Variants in ROCK2 observed in about 807,000 individuals in gnomAD.
ROCK2 encodes the protein Rho associated coiled-coil containing protein kinase 2.
ROCK2 carries 61 observed loss-of-function variants against 195.1 expected under a neutral mutation model. That is an observed-to-expected ratio of 0.31 (90% confidence interval 0.25 to 0.39). The LOEUF is 0.39. Ranked by LOEUF, ROCK2 falls within the 10% of genes least tolerant of loss-of-function variation. The pLI is 1.00. For synonymous variants in ROCK2, 504 were observed against 545.5 expected (o/e 0.92, Z 1.06); for missense variants, 1,109 against 1,637.4 (o/e 0.68, Z 5.57).
chr2:11,202,519 A>G (rs1042392282), intron 20 of ROCK2, among the ~76,000 whole-genome samples: 18 of 151,464 alleles, frequency 1.2e-4, no homozygotes, highest in African/African-American at 4.4e-4. Context: ...TGTTTTTGAG[A>G]CGGAGTCTCA....
chr2:11,203,932 A>G (rs1252133333), intron 20 of ROCK2, among the ~76,000 whole-genome samples: 1 of 152,184 alleles, frequency 6.6e-6, no homozygotes, highest in Non-Finnish European at 1.5e-5. Context: ...GATATCTTTC[A>G]TTTATATGTA....
chr2:11,275,315 A>G (rs1165030043), intron 3 of ROCK2, among the ~76,000 whole-genome samples: 1 of 152,174 alleles, frequency 6.6e-6, no homozygotes, highest in African/African-American at 2.4e-5. Context: ...AATAGAAGCT[A>G]TATGAATATG....
intron 1 of ROCK2, among the ~76,000 whole-genome samples, chr2:11,340,300 A>G (rs1204252170): frequency 1.3e-5 from 2 of 152,228 alleles, no homozygotes; most frequent in Non-Finnish European, 2.9e-5. Context: ...TGACTAGACC[A>G]CAAGTATTCT....
chr2:11,188,255 G>A (rs891795233), intron 32 of ROCK2, among the ~76,000 whole-genome samples: 5 of 151,822 alleles, frequency 3.3e-5, no homozygotes, highest in African/African-American at 7.3e-5. Context: ...GATTACAGGC[G>A]CCTGACACCA....
At chr2:11,232,512 A>G (rs902721539) in intron 5 of ROCK2, among the ~76,000 whole-genome samples, 7 of 152,246 alleles carry the variant, frequency 4.6e-5, no homozygotes, top group Non-Finnish European at 7.3e-5. Flanking sequence ...TAAACTTGCA[A>G]TAAGACTATT....
intron 1 of ROCK2, among the ~76,000 whole-genome samples, chr2:11,314,292 A>C (rs1668125564): frequency 6.8e-6 from 1 of 146,978 alleles, no homozygotes; most frequent in Admixed American, 7.1e-5. Context: ...CTCTCTTTAT[A>C]CCAATTTTGA....
intron 1 of ROCK2, chr2:11,308,606 C>G (rs180720680): frequency 1.6e-5 from 23 of 1,481,896 alleles, no homozygotes; most frequent in African/African-American, 4.1e-5. Context: ...TGTAAAGGAT[C>G]TGAATGGCAT....
At chr2:11,295,099 G>C (rs1280470239) in intron 1 of ROCK2, among the ~76,000 whole-genome samples, 1 of 150,216 alleles carries the variant, frequency 6.7e-6, no homozygotes, top group African/African-American at 2.4e-5. Context: ...TGCATTACTA[G>C]ATTTCTTATG....
At chr2:11,296,364 T>G (rs966166213) in intron 1 of ROCK2, among the ~76,000 whole-genome samples, 1 of 152,194 alleles carries the variant, frequency 6.6e-6, no homozygotes, top group Non-Finnish European at 1.5e-5. Context: ...TATTCACACT[T>G]AATGACAAGA....
intron 3 of ROCK2, among the ~76,000 whole-genome samples, chr2:11,266,537 G>A (rs1304841664): frequency 6.6e-6 from 1 of 152,130 alleles, no homozygotes; most frequent in Non-Finnish European, 1.5e-5. Flanking sequence ...ATCCTCTGTG[G>A]TAATGCATTT....
At position 11,182,438 on chromosome 2, in the gene ROCK2, G is replaced by T. The variant is rs950704504; in HGVS notation, c.*999C>A. ...TAGTCACAGACTAATACTGAGGTCT[G>T]TAAAAAGAGTTGAATGAATAATAGA... On this transcript the variant is annotated 3_prime_UTR_variant, in exon 33 of 33. Transcript: ENST00000315872. 6.6e-6 allele frequency: 1 copy of T among 152,042 alleles called. No individual in the cohort carries two copies. Among genetic ancestry groups the T allele is most frequent in the Non-Finnish European group, 1.5e-5 (1 of 68,034 alleles). 9.4% of individuals were successfully genotyped at this position (152,042 alleles called of 1,614,324 possible).
In ROCK2 at chr2:11,197,535, T is replaced by C. The variant is rs745971183; in HGVS notation, c.3270A>G (p.Glu1090=). The change falls in exon 26 of 33, where the codon GAA becomes GAG. Residue 1090 remains glutamate (E), a synonymous_variant. Coordinates refer to ENST00000315872, the MANE Select transcript of ROCK2 (RefSeq NM_004850.5). The surrounding 1 kb of genome is among the most constrained non-coding windows in gnomAD (Gnocchi z 4.9). Reference sequence around the variant, plus strand: ...CAAAAAGTATTCTTACTGCCTGCATTTCATTCAGTTCTTTCTGATACTTGA... The same window carrying C: ...CAAAAAGTATTCTTACTGCCTGCATCTCATTCAGTTCTTTCTGATACTTGA... ...QMIKYQKELN[E]MQAQIAEESQ... The C allele has an allele frequency of 1.9e-6, 3 of 1,611,088 alleles. No individual in the cohort carries two copies. In the African/African-American group the frequency reaches 4.0e-5, roughly 22 times the overall value.
At chr2:11,319,324 C>G (rs1429218804) in intron 1 of ROCK2, among the ~76,000 whole-genome samples, 4 of 152,100 alleles carry the variant, frequency 2.6e-5, no homozygotes, top group Non-Finnish European at 5.9e-5. Context: ...ATTCACATCC[C>G]TTGTAAGTTG....
At chr2:11,308,912 C>A in intron 1 of ROCK2, 1 of 1,611,980 alleles carries the variant, frequency 6.2e-7, no homozygotes, top group Non-Finnish European at 8.5e-7. Flanking sequence ...ACTTTATCTT[C>A]ATCTACATCA....
At chr2:11,287,094 A>G (rs190053557) in intron 2 of ROCK2, among the ~76,000 whole-genome samples, 1 of 152,316 alleles carries the variant, frequency 6.6e-6, no homozygotes, top group Non-Finnish European at 1.5e-5. Context: ...TTTAATTGGG[A>G]AAATACCTCA....
At position 11,293,667 on chromosome 2, in the gene ROCK2, T is replaced by C. The variant is rs1049370224; in HGVS notation, c.142-5931A>G. Among the ~76,000 whole-genome samples, 5 of 152,304 alleles carry C rather than the reference T, an allele frequency of 3.3e-5. No individual in the cohort carries two copies. In the East Asian group the frequency reaches 9.7e-4, roughly 29 times the overall value. Reference sequence around the variant, plus strand: ...TTTCTTTAAAATTTTGAGTTTGATATTCTGTTCATAGTGAGTCTTTGCATT... The same window carrying C: ...TTTCTTTAAAATTTTGAGTTTGATACTCTGTTCATAGTGAGTCTTTGCATT... On this transcript the variant is annotated intron_variant, in intron 1 of 32. Transcript: ENST00000315872.
chr2:11,224,607 C>T, intron 6 of ROCK2, 147 bp from the exon 7 acceptor site: 1 of 682,194 alleles, frequency 1.5e-6, no homozygotes, highest in Non-Finnish European at 2.5e-6. Flanking sequence ...GTCAAAACAA[C>T]AGACATATTG....
intron 4 of ROCK2, among the ~76,000 whole-genome samples, chr2:11,248,026 GA>G (rs962804069): frequency 2.3e-4 from 34 of 145,446 alleles, no homozygotes; most frequent in South Asian, 4.3e-4. Flanking sequence ...CGTCTCAAGG[GA>G]AAAAAAAAAA....
In ROCK2 at chr2:11,211,678, T is replaced by A; in HGVS notation, c.2203+3A>T. ...TGGAAAACCCTCTTTAAAAAATGCA[T>A]ACCTTTCATGGCTTCTGATTTGGCT... On this transcript the variant is annotated splice_donor_region_variant and intron_variant, in intron 18 of 32. Coordinates refer to ENST00000315872, the MANE Select transcript of ROCK2 (RefSeq NM_004850.5). 1 of 1,591,312 alleles carries A rather than the reference T, an allele frequency of 6.3e-7. No homozygotes were observed. Among genetic ancestry groups the A allele is most frequent in the Non-Finnish European group, 8.5e-7 (1 of 1,170,366 alleles).
Sources: gnomAD v4.1 joint callset for allele counts (sites outside exome capture counted in the v4.1 genomes callset) on GRCh38, gnomAD v4.1.1 for gene constraint, Gnocchi (gnomAD v3.1) non-coding constraint, MANE v1.5 for transcripts, NCBI Gene and HGNC (gene_info 2026-07-23, HGNC 2026-07-21) for gene names.